SGCZ: variants seen among roughly 807,000 people sequenced by gnomAD.
SGCZ encodes sarcoglycan zeta.
SGCZ carries 40 observed loss-of-function variants against 41.3 expected under a neutral mutation model. That is an observed-to-expected ratio of 0.97 (90% CI 0.75 to 1.26). SGCZ has a LOEUF of 1.26. SGCZ is among the 50% of genes most tolerant of loss of function. The pLI is 0.00. For synonymous variants in SGCZ, 206 were observed against 137.5 expected (o/e 1.50, Z -3.49); for missense variants, 552 against 369.8 (o/e 1.49, Z -4.04).
chr8:14,849,640 G>T (rs1027464479), intron 1 of SGCZ, among the ~76,000 whole-genome samples: 1 of 152,110 alleles, frequency 6.6e-6, no homozygotes, highest in Non-Finnish European at 1.5e-5. Flanking sequence ...TCAGCTATAC[G>T]TGGGGTGAGG....
chr8:14,956,915 C>A (rs187447971), intron 1 of SGCZ, among the ~76,000 whole-genome samples: 2 of 152,002 alleles, frequency 1.3e-5, no homozygotes, highest in Non-Finnish European at 2.9e-5. Flanking sequence ...TTTTAATTGA[C>A]AGCATATTTT....
chr8:14,288,564 C>A (rs1800724860), intron 3 of SGCZ, among the ~76,000 whole-genome samples: 1 of 152,148 alleles, frequency 6.6e-6, no homozygotes, highest in South Asian at 2.1e-4. Context: ...TTTCACTTAG[C>A]ATGATGTTTT....
At chr8:14,610,200 T>C (rs973650114) in intron 1 of SGCZ, among the ~76,000 whole-genome samples, 1 of 152,070 alleles carries the variant, frequency 6.6e-6, no homozygotes, top group Non-Finnish European at 1.5e-5. Flanking sequence ...CTATATTACA[T>C]TGTTACAAGA....
intron 3 of SGCZ, among the ~76,000 whole-genome samples, chr8:14,312,854 C>A (rs1182392629): frequency 5.3e-5 from 8 of 152,106 alleles, no homozygotes; most frequent in Admixed American, 2.0e-4. Context: ...AGAAAAACTA[C>A]ACAGCATGAA....
intron 5 of SGCZ, among the ~76,000 whole-genome samples, chr8:14,127,183 A>C (rs1802888036): frequency 6.6e-6 from 1 of 152,074 alleles, no homozygotes; most frequent in Non-Finnish European, 1.5e-5. Flanking sequence ...TAAATAAATA[A>C]ATAAATGAGG....
chr8:14,620,930 C>T (rs1806263414), intron 1 of SGCZ, among the ~76,000 whole-genome samples: 1 of 152,084 alleles, frequency 6.6e-6, no homozygotes, highest in South Asian at 2.1e-4. Flanking sequence ...CCAGCCATCC[C>T]ATTACTGGGT....
chr8:14,137,724 G>A (rs1803244822), intron 5 of SGCZ, among the ~76,000 whole-genome samples: 1 of 152,172 alleles, frequency 6.6e-6, no homozygotes, highest in African/African-American at 2.4e-5. Flanking sequence ...TAAAAGTGAT[G>A]GGGAGAATGG....
chr8:14,185,768 TC>T (rs1804883818), intron 4 of SGCZ, among the ~76,000 whole-genome samples: 1 of 152,190 alleles, frequency 6.6e-6, no homozygotes, highest in Non-Finnish European at 1.5e-5. Context: ...CAGTAAAGAC[TC>T]TTAAACTGTG....
chr8:15,177,768 A>G (rs1447793318), intron 1 of SGCZ, among the ~76,000 whole-genome samples: 4 of 152,206 alleles, frequency 2.6e-5, no homozygotes, highest in Admixed American at 6.5e-5. Flanking sequence ...CTTGTAAGCA[A>G]TCAGCCTGTC....
Position 14,403,226 on chromosome 8 carries a change from C to G in SGCZ, c.235-79022G>C, listed in dbSNP as rs536352780. 3.1e-3 allele frequency among the ~76,000 whole-genome samples: 471 copies of G among 150,256 alleles called. 3 individuals carry two copies. The highest frequency in any genetic ancestry group is 5.3e-3 in the Non-Finnish European group (361 of 68,006). On this transcript the variant is annotated intron_variant, in intron 2 of 7. Transcript: ENST00000382080. ...GGGTTTTCTAGATATACAATCATGTCGTCTGCAAACAGGGACAATTTGACT... is the reference window on the plus strand; with the variant it reads ...GGGTTTTCTAGATATACAATCATGTGGTCTGCAAACAGGGACAATTTGACT...
chr8:14,813,798 AAAAAATT>A lies in SGCZ; in HGVS notation c.40-258879_40-258873del, dbSNP rs1411721751. ...GAAACTTCATCTCTACTAAAAATACAAAAAATTAGCCAGGCATGGGGGTGCATGCCTG... is the reference window on the plus strand; with the variant it reads ...GAAACTTCATCTCTACTAAAAATACAAGCCAGGCATGGGGGTGCATGCCTG... On this transcript the variant is annotated intron_variant, in intron 1 of 7. Transcript: ENST00000382080. 2.6e-5 allele frequency among the ~76,000 whole-genome samples: 4 copies of A among 152,090 alleles called. No homozygotes were observed. In the South Asian group the frequency reaches 8.3e-4, roughly 32 times the overall value.
At chr8:15,204,586 A>G (rs968384082) in intron 1 of SGCZ, among the ~76,000 whole-genome samples, 1 of 152,124 alleles carries the variant, frequency 6.6e-6, no homozygotes, top group African/African-American at 2.4e-5. Flanking sequence ...TCGTCACCCA[A>G]CTAGGGTCTT....
chr8:14,760,122 C>T (rs1362352811), intron 1 of SGCZ, among the ~76,000 whole-genome samples: 2 of 152,132 alleles, frequency 1.3e-5, no homozygotes, highest in African/African-American at 2.4e-5. Context: ...CACAGTTATG[C>T]GTTTCAACAT....
chr8:14,715,998 T>C (rs1023758445), intron 1 of SGCZ, among the ~76,000 whole-genome samples: 3 of 152,102 alleles, frequency 2.0e-5, no homozygotes, highest in East Asian at 3.9e-4. Context: ...ACTAGTAACA[T>C]AGCTTCAAAA....
chr8:15,237,649 G>A lies in SGCZ; in HGVS notation c.-26C>T, dbSNP rs936300122. ...GGAGCGCAACTAAACGAAGTGGAGA[G>A]GAACCGGGCGAGTGGCACCCAAAAA... On this transcript the variant is annotated 5_prime_UTR_variant, in exon 1 of 8. Coordinates refer to ENST00000382080, the MANE Select transcript of SGCZ (RefSeq NM_139167.4). 2 of 1,574,822 alleles carry A rather than the reference G, an allele frequency of 1.3e-6. No individual in the cohort carries two copies. The highest frequency in any genetic ancestry group is 1.7e-6 in the Non-Finnish European group (2 of 1,158,060).
chr8:14,476,439 C>T (rs1409311781), intron 2 of SGCZ, among the ~76,000 whole-genome samples: 3 of 151,492 alleles, frequency 2.0e-5, no homozygotes, highest in African/African-American at 4.9e-5. Flanking sequence ...CTGGAGAACC[C>T]TGAATAATAT....
intron 3 of SGCZ, among the ~76,000 whole-genome samples, chr8:14,243,661 C>T (rs759463524): frequency 6.6e-6 from 1 of 152,134 alleles, no homozygotes; most frequent in Non-Finnish European, 1.5e-5. Context: ...CTACATACCA[C>T]TTATATTTAT....
At chr8:14,385,621 C>T (rs1236250436) in intron 2 of SGCZ, among the ~76,000 whole-genome samples, 3 of 152,010 alleles carry the variant, frequency 2.0e-5, no homozygotes, top group African/African-American at 4.8e-5. Flanking sequence ...GATAATAGTC[C>T]ATGGGGTCTT....
Position 14,235,729 on chromosome 8 carries a change from G to C in SGCZ, c.424+1863C>G, listed in dbSNP as rs149805305. 4.0e-3 allele frequency among the ~76,000 whole-genome samples: 605 copies of C among 152,242 alleles called. 4 individuals carry two copies. The highest frequency in any genetic ancestry group is 0.014 in the African/African-American group (578 of 41,540). The stretch of plus-strand genomic sequence containing the variant: ...AGACAGAGTCTCACTCTATTCCCCA[G>C]GCTGGAGTGCAGTGGCCCAATCTCG... On this transcript the variant is annotated intron_variant, in intron 4 of 7. Transcript: ENST00000382080.
Sources: gnomAD v4.1 joint callset for allele counts (sites outside exome capture counted in the v4.1 genomes callset) on GRCh38, gnomAD v4.1.1 for gene constraint, MANE v1.5 for transcripts, NCBI Gene and HGNC (gene_info 2026-07-23, HGNC 2026-07-21) for gene names.